Variants in GNAI1 observed in about 807,000 individuals in gnomAD.
GNAI1 encodes the protein guanine nucleotide-binding protein G(i) subunit alpha-1.
In GNAI1, 11 loss-of-function variants were observed where a neutral mutation model predicts 38.9. The observed-to-expected ratio is 0.28, with a 90% confidence interval of 0.18 to 0.47. The LOEUF (loss-of-function observed/expected upper bound fraction) is 0.47. Ranked by LOEUF, GNAI1 falls within the 20% of genes least tolerant of loss-of-function variation. The pLI, the probability that GNAI1 is intolerant of heterozygous loss-of-function variation, is 0.99. For synonymous variants in GNAI1, 166 were observed against 145.1 expected (o/e 1.14, Z -1.04); for missense variants, 317 against 436.9 (o/e 0.73, Z 2.45).
chr7:80,187,717 C>T (rs1251671964), intron 1 of GNAI1, among the ~76,000 whole-genome samples: 6 of 152,096 alleles, frequency 3.9e-5, no homozygotes, highest in Non-Finnish European at 2.9e-5. Flanking sequence ...GTCATAAATT[C>T]CTCCAGGATA....
At chr7:80,184,540 T>G (rs1041898347) in intron 1 of GNAI1, among the ~76,000 whole-genome samples, 1 of 152,132 alleles carries the variant, frequency 6.6e-6, no homozygotes, top group Non-Finnish European at 1.5e-5. Context: ...CCAGTTAAAC[T>G]CCACCATTTT....
At chr7:80,184,969 G>A (rs766336205) in intron 1 of GNAI1, among the ~76,000 whole-genome samples, 1 of 152,108 alleles carries the variant, frequency 6.6e-6, no homozygotes, top group African/African-American at 2.4e-5. Flanking sequence ...GCCAGGTTTC[G>A]TGACTGCAAA....
intron 1 of GNAI1, among the ~76,000 whole-genome samples, chr7:80,152,686 G>A (rs1032740143): frequency 1.4e-5 from 2 of 148,070 alleles, no homozygotes; most frequent in Non-Finnish European, 3.0e-5. Context: ...TCAGCCTCCC[G>A]AGTAGCTGGG....
At chr7:80,211,148 G>T in intron 6 of GNAI1, 50 bp downstream of exon 6, 1 of 1,536,450 alleles carries the variant, frequency 6.5e-7, no homozygotes, top group Non-Finnish European at 8.9e-7. Context: ...AGAGCTGAAG[G>T]TGTTGCCAAG....
Position 80,222,640 on chromosome 7 carries a change from G to T in GNAI1, c.*5147G>T, listed in dbSNP as rs1210849430. The stretch of plus-strand genomic sequence containing the variant: ...GACCTCAGGTAATCCGCCCACCTCG[G>T]CCGCCCAAAGTGCTGGGATTACAGG... On this transcript the variant is annotated 3_prime_UTR_variant, in exon 8 of 8. Transcript: ENST00000649796. Among the ~76,000 whole-genome samples, 1 of 152,028 alleles carries T rather than the reference G, an allele frequency of 6.6e-6. No homozygotes were observed. Among genetic ancestry groups the T allele is most frequent in the Non-Finnish European group, 1.5e-5 (1 of 67,992 alleles).
chr7:80,170,238 C>G (rs1050219800), intron 1 of GNAI1, among the ~76,000 whole-genome samples: 1 of 152,112 alleles, frequency 6.6e-6, no homozygotes, highest in East Asian at 1.9e-4. Flanking sequence ...AGTGGTTGTA[C>G]CATTTACATT....
chr7:80,151,887 G>A, intron 1 of GNAI1, among the ~76,000 whole-genome samples: 1 of 152,170 alleles, frequency 6.6e-6, no homozygotes, highest in East Asian at 1.9e-4. Flanking sequence ...GCTAGGGGGT[G>A]TGATTTGAAC....
At chr7:80,136,435 T>A (rs1036370126) in intron 1 of GNAI1, among the ~76,000 whole-genome samples, 1 of 152,178 alleles carries the variant, frequency 6.6e-6, no homozygotes, top group African/African-American at 2.4e-5. Context: ...ATGGTGGGTT[T>A]TTTTTCTCCA....
intron 1 of GNAI1, among the ~76,000 whole-genome samples, chr7:80,155,699 T>C (rs1454360632): frequency 6.6e-6 from 1 of 151,684 alleles, no homozygotes; most frequent in Non-Finnish European, 1.5e-5. Context: ...CCAGGAGGAA[T>C]GATAGCACAG....
At chr7:80,194,830 T>C (rs1022510646) in intron 3 of GNAI1, among the ~76,000 whole-genome samples, 2 of 152,046 alleles carry the variant, frequency 1.3e-5, no homozygotes, top group African/African-American at 2.4e-5. Context: ...TGTAGGCTTT[T>C]AATATCTGAT....
chr7:80,194,865 T>G (rs1788541596), intron 3 of GNAI1, among the ~76,000 whole-genome samples: 1 of 152,040 alleles, frequency 6.6e-6, no homozygotes, highest in African/African-American at 2.4e-5. Flanking sequence ...GCTCCCAGTC[T>G]TTTTCAAAAT....
At chr7:80,183,023 GGCAGGATGCTATCTCCCTTGAT>G (rs1182757920) in intron 1 of GNAI1, among the ~76,000 whole-genome samples, 1 of 152,144 alleles carries the variant, frequency 6.6e-6, no homozygotes, top group Non-Finnish European at 1.5e-5. Flanking sequence ...GAAACTGGGA[GGCAGGATGCTATCTCCCTTGAT>G]ATTTACATTT....
rs1330581316 is a variant in GNAI1 at position 80,199,214 on chromosome 7, T to G, written c.304-11T>G. On this transcript the variant is annotated splice_polypyrimidine_tract_variant and intron_variant, in intron 3 of 7. Coordinates refer to ENST00000649796, the MANE Select transcript of GNAI1 (RefSeq NM_002069.6). ...CCCTTTTTACTTAAAAAATGTCCTTTGAATGTTCAGGATGATGCACGCCAA... is the reference window on the plus strand; with the variant it reads ...CCCTTTTTACTTAAAAAATGTCCTTGGAATGTTCAGGATGATGCACGCCAA... 1.3e-6 allele frequency: 2 copies of G among 1,580,856 alleles called. No homozygotes were observed. The highest frequency in any genetic ancestry group is 3.5e-5 in the Admixed American group (2 of 57,680).
In GNAI1 at chr7:80,221,443, T is replaced by C. The variant is rs1022076969; in HGVS notation, c.*3950T>C. 1.3e-5 allele frequency among the ~76,000 whole-genome samples: 2 copies of C among 152,134 alleles called. No homozygotes were observed. The highest frequency in any genetic ancestry group is 6.6e-5 in the Admixed American group (1 of 15,264). ...TCAGTGCTTAACAAATGGTTGTTGATACGTGCTTTGAATGAAATGCCTCAA... is the reference window on the plus strand; with the variant it reads ...TCAGTGCTTAACAAATGGTTGTTGACACGTGCTTTGAATGAAATGCCTCAA... On this transcript the variant is annotated 3_prime_UTR_variant, in exon 8 of 8. Transcript: ENST00000649796.
intron 1 of GNAI1, among the ~76,000 whole-genome samples, chr7:80,183,730 C>T (rs1788337443): frequency 6.6e-6 from 1 of 151,980 alleles, no homozygotes; most frequent in South Asian, 2.1e-4. Flanking sequence ...TCCTATGCTA[C>T]CCCCAACCAA....
chr7:80,152,180 C>T (rs967469982), intron 1 of GNAI1, among the ~76,000 whole-genome samples: 1 of 152,142 alleles, frequency 6.6e-6, no homozygotes, highest in Non-Finnish European at 1.5e-5. Flanking sequence ...CGTGGCCATG[C>T]TGGGTGTCGT....
chr7:80,158,357 G>C (rs1291102776), intron 1 of GNAI1, among the ~76,000 whole-genome samples: 1 of 152,132 alleles, frequency 6.6e-6, no homozygotes, highest in Non-Finnish European at 1.5e-5. Flanking sequence ...TGAAATTCTT[G>C]TTTTCTAAAG....
intron 1 of GNAI1, among the ~76,000 whole-genome samples, chr7:80,186,556 ATTC>A (rs1788389612): frequency 6.6e-6 from 1 of 152,190 alleles, no homozygotes; most frequent in African/African-American, 2.4e-5. Context: ...GAAAAATCTT[ATTC>A]TTTACTATTT....
intron 4 of GNAI1, among the ~76,000 whole-genome samples, chr7:80,199,924 G>C (rs1788648804): frequency 6.6e-6 from 1 of 152,118 alleles, no homozygotes; most frequent in African/African-American, 2.4e-5. Flanking sequence ...ATTTGACACT[G>C]TTTCCAGATA....
Sources: allele counts gnomAD v4.1 joint callset (sites outside exome capture counted in the v4.1 genomes callset), GRCh38; gene constraint gnomAD v4.1.1; transcripts MANE v1.5; gene names NCBI Gene and HGNC (gene_info 2026-07-23, HGNC 2026-07-21).